Variants in NOC4L observed in about 807,000 individuals in gnomAD.
NOC4L encodes nucleolar complex protein 4 homolog.
Under a neutral mutation model 62.8 loss-of-function variants are expected in NOC4L, and 40 were observed. That is an observed-to-expected ratio of 0.64 (90% CI 0.49 to 0.83). The LOEUF is 0.83. Among genes scored for constraint, NOC4L ranks in the 40% least tolerant of loss-of-function variants. The probability of loss-of-function intolerance (pLI) is 0.00; values close to 1 mark genes in which losing one functional copy is unlikely to be tolerated. For missense variants in NOC4L, 927 were observed against 701.9 expected, an observed-to-expected ratio of 1.32 and a Z score of -3.62; for synonymous variants, 433 against 299.8, an observed-to-expected ratio of 1.44 and a Z score of -4.59.
rs192820071 is a variant in NOC4L, at chr12:132,146,092, G to C, written c.345+427G>C. On this transcript the variant is annotated intron_variant, in intron 3 of 14. Coordinates refer to ENST00000330579, the MANE Select transcript of NOC4L (RefSeq NM_024078.3). ...GTTACTGTGTTGTGCAGTGGTTGCC[G>C]CTATCCCAGAACATCTTTATCGCCC... 6 of 382,240 alleles carry C rather than the reference G, an allele frequency of 1.6e-5. No homozygotes were observed. In the Admixed American group the frequency reaches 1.7e-4, roughly 11 times the overall value. 23.7% of individuals were successfully genotyped at this position (382,240 alleles called of 1,614,324 possible). A position where few individuals can be genotyped will look rare whatever the true frequency, so the allele number is the denominator to read the frequency against.
rs2136698287 is a variant in NOC4L at position 132,152,272 on chromosome 12, T to TGCTTTGC, written c.1432-9_1432-3dup. 6 of 1,577,528 alleles carry TGCTTTGC rather than the reference T, an allele frequency of 3.8e-6. No homozygotes were observed. The highest frequency in any genetic ancestry group is 1.7e-4 in the Middle Eastern group (1 of 6,032). On this transcript the variant is annotated splice_polypyrimidine_tract_variant and intron_variant, in intron 14 of 14. Transcript: ENST00000330579. ...CAAGCCTGAGAGCCGCCGTGCTTTGTGCTTTGCAGATCTTTGAGCGGGACC... is the reference window on the plus strand; with the variant it reads ...CAAGCCTGAGAGCCGCCGTGCTTTGTGCTTTGCGCTTTGCAGATCTTTGAGCGGGACC...
chr12:132,146,823 CT>C (rs1299966845), intron 3 of NOC4L, among the ~76,000 whole-genome samples: 1 of 152,138 alleles, frequency 6.6e-6, no homozygotes, highest in Non-Finnish European at 1.5e-5. Context: ...GCACGAGGCT[CT>C]TTTGCTTTGT....
At chr12:132,144,639 G>T in intron 1 of NOC4L, 34 bp downstream of exon 1, 1 of 1,473,764 alleles carries the variant, frequency 6.8e-7, no homozygotes, top group African/African-American at 1.4e-5. Context: ...CCGGAGTCGC[G>T]GCACGGGAGC....
chr12:132,147,977 C>A lies in NOC4L; in HGVS notation c.701C>A (p.Ala234Glu). 6.2e-7 allele frequency: 1 copy of A among 1,610,738 alleles called. No individual in the cohort carries two copies. The highest frequency in any genetic ancestry group is 8.5e-7 in the Non-Finnish European group (1 of 1,178,820). The change falls in exon 6 of 15, where the codon GCG becomes GAG. Residue 234 changes from alanine (A) to glutamate (E), a missense_variant and splice_region_variant. Ala to Glu is a moderately radical substitution (Grantham distance 107). Transcript: ENST00000330579. The stretch of plus-strand genomic sequence containing the variant: ...GTCTCCAGCTTCTATGTGAAGCGGG[C>A]GGGTGAGTGTGCTGAGAGTCAGGGG... The part of the protein sequence containing the change: ...PTVSSFYVKR[A>E]ELWDTWKVAH...
intron 9 of NOC4L, 48 bp from the exon 10 acceptor site, chr12:132,150,933 G>C (rs767916179): frequency 7.1e-6 from 10 of 1,408,450 alleles, no homozygotes; most frequent in African/African-American, 1.4e-5. Context: ...AGGGGGTAGG[G>C]TGGGAGCGAG....
intron 2 of NOC4L, 120 bp from the exon 3 acceptor site, chr12:132,145,439 C>G: frequency 1.5e-6 from 1 of 647,290 alleles, no homozygotes; most frequent in African/African-American, 1.8e-5. Context: ...CGACCTGTTT[C>G]CACCTGCGGA....
At chr12:132,151,115 C>A in intron 10 of NOC4L, 74 bp downstream of exon 10, 1 of 1,471,850 alleles carries the variant, frequency 6.8e-7, no homozygotes, top group Non-Finnish European at 9.4e-7. Context: ...TCCCACCCTG[C>A]CCCACGGGGT....
chr12:132,148,130 G>A, intron 7 of NOC4L, 24 bp downstream of exon 7: 2 of 1,612,394 alleles, frequency 1.2e-6, no homozygotes, highest in African/African-American at 1.3e-5. Context: ...GGAGAGCCGG[G>A]CACCCTCCCG....
rs1353731144 is a variant in NOC4L at position 132,152,151 on chromosome 12, T to C, written c.1385T>C (p.Met462Thr). ...AGCGTCATCAACCAGGCCCTGTCCA[T>C]GCCTGAGGTCAGCATCGCGCCACTG... ...AASVINQALS[M>T]PEVSIAPLLE... is the part of the protein sequence containing the mutation. The change falls in exon 14 of 15, where the codon ATG becomes ACG. Residue 462 changes from methionine (M) to threonine (T), a missense_variant. Met to Thr is a moderately conservative substitution (Grantham distance 81, BLOSUM62 -1). Coordinates refer to ENST00000330579, the MANE Select transcript of NOC4L (RefSeq NM_024078.3). 6.2e-7 allele frequency: 1 copy of C among 1,611,886 alleles called. No individual in the cohort carries two copies. The highest frequency in any genetic ancestry group is 1.1e-5 in the South Asian group (1 of 91,070).
At chr12:132,146,194 C>T (rs1897715306) in intron 3 of NOC4L, 1 of 452,552 alleles carries the variant, frequency 2.2e-6, no homozygotes, top group African/African-American at 2.0e-5. Flanking sequence ...GCAGCCACTC[C>T]TGGATCAGTG....
intron 10 of NOC4L, 53 bp from the exon 11 acceptor site, chr12:132,151,205 G>A (rs1897925017): frequency 2.7e-6 from 4 of 1,501,384 alleles, no homozygotes; most frequent in African/African-American, 1.4e-5. Flanking sequence ...GGCCTTGGAG[G>A]CCTCAGTTCC....
At position 132,145,660 on chromosome 12, in the gene NOC4L, G is replaced by A; in HGVS notation, c.340G>A (p.Val114Ile). Reference sequence around the variant, plus strand: ...GCTCCTGGGCCACCCCTCCTTTCAGGTCAAGGTGGGTCATTGGGCTGGCCT... The same window carrying A: ...GCTCCTGGGCCACCCCTCCTTTCAGATCAAGGTGGGTCATTGGGCTGGCCT... ...GELLGHPSFQ[V>I]KELALSALLK... Residue 114 changes from valine (V) to isoleucine (I), a missense_variant, in exon 3 of 15, where the codon GTC (valine) becomes ATC (isoleucine). Val to Ile is a conservative substitution (Grantham distance 29). Coordinates refer to ENST00000330579, the MANE Select transcript of NOC4L (RefSeq NM_024078.3). 1 of 1,609,132 alleles carries A rather than the reference G, an allele frequency of 6.2e-7. No homozygotes were observed. The highest frequency in any genetic ancestry group is 8.5e-7 in the Non-Finnish European group (1 of 1,176,260).
intron 1 of NOC4L, 52 bp downstream of exon 1, chr12:132,144,657 G>C (rs1246741277): frequency 2.7e-6 from 4 of 1,464,004 alleles, no homozygotes; most frequent in Non-Finnish European, 3.6e-6. Context: ...AGCGGGACTT[G>C]AATGGGGGGC....
intron 7 of NOC4L, 129 bp from the exon 8 acceptor site, chr12:132,148,480 A>C: frequency 1.0e-6 from 1 of 1,003,670 alleles, no homozygotes; most frequent in Non-Finnish European, 1.5e-6. Context: ...AGGAAGAAGG[A>C]AGGCAGGGTC....
At position 132,151,775 on chromosome 12, in the gene NOC4L, C is replaced by G. The variant is rs377518808; in HGVS notation, c.1272C>G (p.Asp424Glu). Residue 424 changes from aspartate to glutamate, a missense_variant, in exon 13 of 15, where the codon GAC (aspartate) becomes GAG (glutamate). Asp to Glu is a conservative substitution (Grantham distance 45). Transcript: ENST00000330579. ...ACCCCTACGACCCTGGAGAGGAGGA[C>G]CCAGCCCAGAGCCGGGCCTTGGAGA... Reference protein sequence around the residue: ...DADPYDPGEEDPAQSRALESS... With the variant: ...DADPYDPGEEEPAQSRALESS... 1.9e-6 allele frequency: 3 copies of G among 1,612,352 alleles called. No individual in the cohort carries two copies. The highest frequency in any genetic ancestry group is 1.7e-5 in the Admixed American group (1 of 60,024).
At chr12:132,146,137 A>G (rs1450314853) in intron 3 of NOC4L, 3 of 426,362 alleles carry the variant, frequency 7.0e-6, no homozygotes, top group African/African-American at 6.1e-5. Context: ...ATCCTGTACC[A>G]GTTACCATCG....
intron 13 of NOC4L, 114 bp from the exon 14 acceptor site, chr12:132,151,970 C>CA: frequency 1.6e-6 from 2 of 1,250,502 alleles, no homozygotes; most frequent in South Asian, 2.7e-5. Context: ...TTGGCCTTCT[C>CA]ACGTGGCTCC....
chr12:132,149,061 T>C (rs1173406673), intron 9 of NOC4L, among the ~76,000 whole-genome samples, 166 bp downstream of exon 9: 2 of 20,284 alleles, frequency 9.9e-5, no homozygotes, highest in African/African-American at 2.6e-4. Flanking sequence ...ACCACACCCC[T>C]AATCCCCTCG....
At chr12:132,147,488 G>A (rs904351535) in intron 4 of NOC4L, 100 bp downstream of exon 4, 2 of 1,450,262 alleles carry the variant, frequency 1.4e-6, no homozygotes, top group African/African-American at 1.4e-5. Context: ...GAGCCTGGCT[G>A]TTGGCTGGGA....
Sources: gnomAD v4.1 joint callset for allele counts (sites outside exome capture counted in the v4.1 genomes callset) on GRCh38, gnomAD v4.1.1 for gene constraint, MANE v1.5 for transcripts, NCBI Gene and HGNC (gene_info 2026-07-23, HGNC 2026-07-21) for gene names.